The following STK3 variants were observed in gnomAD, a reference collection of about 807,000 sequenced individuals.
STK3 encodes the protein serine/threonine-protein kinase 3.
In STK3, 41 loss-of-function variants were observed where a neutral mutation model predicts 58.0. The ratio of observed to expected loss-of-function variants is 0.71; its 90% CI spans 0.55 to 0.92. The LOEUF is 0.92. Ranked by LOEUF, STK3 falls within the 40% of genes least tolerant of loss-of-function variation. STK3 has a pLI of 0.00. For synonymous variants in STK3, 170 were observed against 191.0 expected (o/e 0.89, Z 0.91); for missense variants, 479 against 602.7 (o/e 0.79, Z 2.15).
intron 6 of STK3, among the ~76,000 whole-genome samples, chr8:98,629,717 T>C (rs984282633): frequency 6.6e-6 from 1 of 152,174 alleles, no homozygotes; most frequent in Non-Finnish European, 1.5e-5. Context: ...ATACAGAAAC[T>C]GTTTTCACTT....
intron 3 of STK3, among the ~76,000 whole-genome samples, chr8:98,406,326 G>A (rs185828381): frequency 6.6e-6 from 1 of 151,404 alleles, no homozygotes; most frequent in East Asian, 1.9e-4. Context: ...AGGTTCAGGG[G>A]GTACACGTGC....
chr8:98,609,358 TG>T (rs1256219425), intron 6 of STK3, among the ~76,000 whole-genome samples: 7 of 152,178 alleles, frequency 4.6e-5, no homozygotes, highest in African/African-American at 1.7e-4. Context: ...AAGAAGTGTA[TG>T]GTTTGGATGT....
chr8:98,935,924 TA>T (rs925265369), intron 1 of STK3, among the ~76,000 whole-genome samples: 3 of 149,850 alleles, frequency 2.0e-5, no homozygotes, highest in South Asian at 2.1e-4. Context: ...TTTATTTATT[TA>T]TTTTTTTTTG....
At chr8:98,675,353 G>T (rs188940837) in intron 6 of STK3, among the ~76,000 whole-genome samples, 163 of 152,230 alleles carry the variant, frequency 1.1e-3, no homozygotes, top group Non-Finnish European at 1.7e-3. Context: ...ATGTAAATGT[G>T]ATTCAACCTA....
At chr8:98,598,710 G>A (rs1301699488) in intron 6 of STK3, 11 of 985,268 alleles carry the variant, frequency 1.1e-5, no homozygotes, top group Non-Finnish European at 7.2e-6. Flanking sequence ...AAATCACAGG[G>A]ACACACATTA....
intron 3 of STK3, among the ~76,000 whole-genome samples, chr8:98,874,483 A>T (rs1439575818): frequency 1.3e-5 from 2 of 152,188 alleles, no homozygotes; most frequent in Non-Finnish European, 2.9e-5. Context: ...TTGTTACGGC[A>T]GCCACAGGAA....
intron 1 of STK3, among the ~76,000 whole-genome samples, chr8:98,920,523 A>G (rs560387371): frequency 1.1e-4 from 16 of 152,332 alleles, no homozygotes; most frequent in Admixed American, 5.9e-4. Flanking sequence ...CACATTACTC[A>G]TGGCCGGGAA....
intron 3 of STK3, among the ~76,000 whole-genome samples, chr8:98,835,499 T>G (rs1312540899): frequency 6.6e-6 from 1 of 152,184 alleles, no homozygotes; most frequent in Non-Finnish European, 1.5e-5. Flanking sequence ...CTGCAACACA[T>G]GTACCTTCAT....
At chr8:98,851,158 C>T (rs578119595) in intron 3 of STK3, among the ~76,000 whole-genome samples, 1 of 152,260 alleles carries the variant, frequency 6.6e-6, no homozygotes, top group South Asian at 2.1e-4. Context: ...AGGGAAGCAA[C>T]ACCCCCAACC....
At chr8:98,758,385 AT>A (rs1328679159) in intron 3 of STK3, among the ~76,000 whole-genome samples, 1 of 152,246 alleles carries the variant, frequency 6.6e-6, no homozygotes, top group East Asian at 1.9e-4. Flanking sequence ...ATGGACATAA[AT>A]GCAAAAATTC....
intron 6 of STK3, among the ~76,000 whole-genome samples, chr8:98,670,809 G>C (rs57064144): frequency 1.3e-4 from 20 of 152,180 alleles, no homozygotes; most frequent in Non-Finnish European, 2.5e-4. Context: ...CCCCTCTCTA[G>C]ACTGAGAGCT....
intron 10 of STK3, among the ~76,000 whole-genome samples, chr8:98,461,341 A>T (rs1340939733): frequency 6.6e-6 from 1 of 152,156 alleles, no homozygotes; most frequent in Non-Finnish European, 1.5e-5. Flanking sequence ...TGCATAGAAT[A>T]TCTTCTTCTA....
At chr8:98,554,932 C>T (rs1355747826) in intron 8 of STK3, among the ~76,000 whole-genome samples, 1 of 151,906 alleles carries the variant, frequency 6.6e-6, no homozygotes, top group African/African-American at 2.4e-5. Flanking sequence ...TTATTCCTCA[C>T]AAAAGAAAAG....
intron 6 of STK3, among the ~76,000 whole-genome samples, chr8:98,688,973 T>TG: frequency 6.6e-6 from 1 of 152,130 alleles, no homozygotes; most frequent in South Asian, 2.1e-4. Flanking sequence ...AACAAAAAAT[T>TG]GGTTTTTTGA....
intron 3 of STK3, among the ~76,000 whole-genome samples, chr8:98,415,231 C>T (rs1818101634): frequency 6.6e-6 from 1 of 152,200 alleles, no homozygotes. Flanking sequence ...GAATCTTGAA[C>T]TGGGACCTCC....
intron 4 of STK3, chr8:98,721,174 T>C: frequency 1.1e-6 from 1 of 919,452 alleles, no homozygotes; most frequent in Non-Finnish European, 1.3e-6. Flanking sequence ...CTAAAACAAA[T>C]ATATAAATCA....
intron 10 of STK3, among the ~76,000 whole-genome samples, chr8:98,524,478 T>C (rs1349535938): frequency 6.6e-6 from 1 of 152,240 alleles, no homozygotes; most frequent in East Asian, 1.9e-4. Flanking sequence ...AAGCTTATAA[T>C]CTATGAATAT....
intron 1 of STK3, among the ~76,000 whole-genome samples, chr8:98,934,965 G>T (rs1167954976): frequency 1.4e-5 from 2 of 139,940 alleles, no homozygotes; most frequent in African/African-American, 5.2e-5. Flanking sequence ...CATATATAAA[G>T]AGCAAAGCAC....
chr8:98,682,938 A>T (rs926457349), intron 6 of STK3, among the ~76,000 whole-genome samples: 1 of 152,136 alleles, frequency 6.6e-6, no homozygotes, highest in African/African-American at 2.4e-5. Flanking sequence ...TCTCTGGCAC[A>T]AATAGTTACT....
Sources: gnomAD v4.1 joint callset for allele counts (sites outside exome capture counted in the v4.1 genomes callset) on GRCh38, gnomAD v4.1.1 for gene constraint, MANE v1.5 for transcripts, NCBI Gene and HGNC (gene_info 2026-07-23, HGNC 2026-07-21) for gene names.